Variants in SRD5A1 observed in about 807,000 individuals in gnomAD.
SRD5A1 encodes the protein 3-oxo-5-alpha-steroid 4-dehydrogenase 1.
Under a neutral mutation model 28.2 loss-of-function variants are expected in SRD5A1, and 22 were observed. The ratio of observed to expected loss-of-function variants is 0.78; its 90% CI spans 0.56 to 1.12. SRD5A1 has a LOEUF of 1.12. Among genes scored for constraint, SRD5A1 ranks in the 50% most tolerant of loss-of-function variants. SRD5A1 has a pLI of 0.00. For missense variants in SRD5A1, 300 were observed against 346.7 expected, an observed-to-expected ratio of 0.87 and a Z score of 1.07; for synonymous variants, 151 against 135.0, an observed-to-expected ratio of 1.12 and a Z score of -0.82.
intron 4 of SRD5A1, among the ~76,000 whole-genome samples, chr5:6,663,379 A>G (rs1473986234): frequency 1.3e-5 from 2 of 152,222 alleles, no homozygotes; most frequent in African/African-American, 4.8e-5. Flanking sequence ...ACACTGGCAG[A>G]ACTCATACAC....
intron 4 of SRD5A1, among the ~76,000 whole-genome samples, chr5:6,665,950 G>T (rs1451570999): frequency 6.6e-6 from 1 of 152,204 alleles, no homozygotes; most frequent in Non-Finnish European, 1.5e-5. Context: ...TGGTGTCAGT[G>T]TGAAACCAGT....
intron 4 of SRD5A1, among the ~76,000 whole-genome samples, chr5:6,664,715 A>G (rs1475642958): frequency 6.6e-6 from 1 of 152,208 alleles, no homozygotes; most frequent in Non-Finnish European, 1.5e-5. Context: ...CTCTTTGTCT[A>G]ATACTTGAAG....
chr5:6,674,308 ACTTT>A lies in SRD5A1; in HGVS notation c.*6045_*6048del, dbSNP rs888906260. ...AGAGAGAGATATGTGAGAACTCTGT[ACTTT>A]CTTTTCAATGTTTCTGTAAACATAA... On this transcript the variant is annotated 3_prime_UTR_variant, in exon 5 of 5. Transcript: ENST00000274192. 2.0e-5 allele frequency: 3 copies of A among 152,170 alleles called. No individual in the cohort carries two copies. The highest frequency in any genetic ancestry group is 7.2e-5 in the African/African-American group (3 of 41,454). 9.4% of individuals were successfully genotyped at this position (152,170 alleles called of 1,614,324 possible).
At chr5:6,635,484 AC>A (rs1738156614) in intron 1 of SRD5A1, among the ~76,000 whole-genome samples, 1 of 152,102 alleles carries the variant, frequency 6.6e-6, no homozygotes, top group Non-Finnish European at 1.5e-5. Context: ...ATCAGTCATG[AC>A]CCTGGATGAG....
intron 1 of SRD5A1, among the ~76,000 whole-genome samples, chr5:6,648,639 G>A (rs774870272): frequency 6.6e-6 from 1 of 152,132 alleles, no homozygotes; most frequent in Non-Finnish European, 1.5e-5. Context: ...TCTCTAAGCA[G>A]GTTATTCTAG....
intron 1 of SRD5A1, among the ~76,000 whole-genome samples, chr5:6,640,317 T>A (rs564678364): frequency 6.6e-6 from 1 of 152,326 alleles, no homozygotes; most frequent in African/African-American, 2.4e-5. Flanking sequence ...AACTATAAGA[T>A]GCACTTTTAT....
At chr5:6,662,212 A>T (rs1739027763) in intron 3 of SRD5A1, among the ~76,000 whole-genome samples, 1 of 151,920 alleles carries the variant, frequency 6.6e-6, no homozygotes, top group East Asian at 1.9e-4. Context: ...GTTGCCAGCC[A>T]CTCTGTGATA....
In SRD5A1 at chr5:6,633,641, C is replaced by T; in HGVS notation, c.65C>T (p.Ala22Val). 6.4e-7 allele frequency: 1 copy of T among 1,557,220 alleles called. No individual in the cohort carries two copies. The highest frequency in any genetic ancestry group is 1.2e-5 in the South Asian group (1 of 86,926). ...LLAALAYLQC[A>V]VGCAVFARNR... is the part of the protein sequence containing the mutation. Reference sequence around the variant, plus strand: ...GCCGCGCTCGCCTACCTGCAGTGCGCCGTGGGCTGCGCGGTCTTCGCGCGC... The same window carrying T: ...GCCGCGCTCGCCTACCTGCAGTGCGTCGTGGGCTGCGCGGTCTTCGCGCGC... The change falls in exon 1 of 5, where the codon GCC becomes GTC. Residue 22 changes from alanine (A) to valine (V), a missense_variant. Transcript: ENST00000274192.
At chr5:6,638,107 G>C (rs180751583) in intron 1 of SRD5A1, among the ~76,000 whole-genome samples, 15 of 152,326 alleles carry the variant, frequency 9.8e-5, no homozygotes, top group African/African-American at 3.1e-4. Context: ...GGGAGGCCGA[G>C]GAAGGTGGAT....
chr5:6,651,793 G>A (rs777666954), intron 1 of SRD5A1, 49 bp from the exon 2 acceptor site: 2 of 1,519,236 alleles, frequency 1.3e-6, no homozygotes, highest in Non-Finnish European at 1.8e-6. Context: ...TTACAGAAAT[G>A]ATTATCTTTA....
intron 1 of SRD5A1, chr5:6,645,208 C>T (rs536715908): frequency 7.6e-5 from 25 of 327,726 alleles, no homozygotes; most frequent in African/African-American, 4.3e-4. Context: ...TTACTGTCGA[C>T]GTTCATAACC....
At chr5:6,656,734 T>G (rs1431893033) in intron 3 of SRD5A1, among the ~76,000 whole-genome samples, 1 of 152,146 alleles carries the variant, frequency 6.6e-6, no homozygotes, top group African/African-American at 2.4e-5. Flanking sequence ...CATAAATTAA[T>G]TTCCGTGGCC....
chr5:6,648,244 C>T (rs1466506395), intron 1 of SRD5A1, among the ~76,000 whole-genome samples: 2 of 151,382 alleles, frequency 1.3e-5, no homozygotes, highest in African/African-American at 4.9e-5. Context: ...GTGAATCTGA[C>T]AATTATGTGT....
At chr5:6,655,027 A>T (rs1401734446) in intron 2 of SRD5A1, among the ~76,000 whole-genome samples, 2 of 152,248 alleles carry the variant, frequency 1.3e-5, no homozygotes, top group Non-Finnish European at 2.9e-5. Context: ...TTAGGAAAAA[A>T]AAATAAAAGC....
At chr5:6,653,465 A>C (rs1738746415) in intron 2 of SRD5A1, 1 of 152,166 alleles carries the variant, frequency 6.6e-6, no homozygotes, top group African/African-American at 2.4e-5. Flanking sequence ...CAGGCTTTTG[A>C]GTTCCTGTGC....
chr5:6,644,748 A>G (rs533927772), intron 1 of SRD5A1: 10 of 402,238 alleles, frequency 2.5e-5, no homozygotes, highest in South Asian at 5.5e-5. Context: ...AAGGGAGCCT[A>G]TGACAGTCCA....
At position 6,673,973 on chromosome 5, in the gene SRD5A1, T is replaced by C. The variant is rs1739434284; in HGVS notation, c.*5705T>C. 6.6e-6 allele frequency: 1 copy of C among 152,130 alleles called. No homozygotes were observed. The highest frequency in any genetic ancestry group is 1.5e-5 in the Non-Finnish European group (1 of 68,016). The allele number at this position is 152,130 out of a possible 1,614,324, so 9.4% of individuals were successfully genotyped here. On this transcript the variant is annotated 3_prime_UTR_variant, in exon 5 of 5. Transcript: ENST00000274192. ...TGAAGGGAGGGATGAACAGGCAGAA[T>C]ACAAACAAATTTTAGGGCAGTGAAA...
intron 4 of SRD5A1, among the ~76,000 whole-genome samples, chr5:6,664,412 AT>A (rs111346175): frequency 1.3e-4 from 20 of 150,550 alleles, no homozygotes; most frequent in Middle Eastern, 3.2e-3. Context: ...TCTTTGTCTA[AT>A]TTTTTTTTTA....
intron 3 of SRD5A1, among the ~76,000 whole-genome samples, chr5:6,659,205 T>C (rs1411063900): frequency 2.0e-5 from 3 of 151,118 alleles, no homozygotes; most frequent in African/African-American, 2.4e-5. Context: ...GCTCTGCCTC[T>C]CGGGTTCACG....
Sources: allele counts gnomAD v4.1 joint callset (sites outside exome capture counted in the v4.1 genomes callset), GRCh38; gene constraint gnomAD v4.1.1; transcripts MANE v1.5; gene names NCBI Gene and HGNC (gene_info 2026-07-23, HGNC 2026-07-21).